The following RNF225 variants were observed in gnomAD, a reference collection of about 807,000 sequenced individuals.
RNF225 encodes the protein ring finger protein 225.
For synonymous variants in RNF225, 295 were observed against 260.4 expected (o/e 1.13, Z -1.28); for missense variants, 510 against 509.8 (o/e 1.00, Z 0.00).
Position 58,396,154 on chromosome 19 carries a change from C to G in RNF225, c.65C>G (p.Ser22Cys). ...SRAPQGSGPS[S>C]PGSLSAPRSP... ...GCCCCCCAGGGCTCGGGTCCCAGCT[C>G]CCCAGGCTCGCTCTCTGCGCCCCGC... Residue 22 changes from serine (S) to cysteine (C), a missense_variant, in exon 1 of 1, where the codon TCC becomes TGC. Physicochemically the swap from Ser to Cys is moderately radical, Grantham distance 112. Coordinates refer to ENST00000601382, the MANE Select transcript of RNF225 (RefSeq NM_001195135.2). 1.3e-6 allele frequency: 2 copies of G among 1,534,476 alleles called. No homozygotes were observed. The highest frequency in any genetic ancestry group is 1.2e-5 in the South Asian group (1 of 83,922).
Position 58,395,811 on chromosome 19 carries a change from C to T in RNF225, c.-279C>T, listed in dbSNP as rs2052393847. Among the ~76,000 whole-genome samples, 1 of 148,872 alleles carries T rather than the reference C, an allele frequency of 6.7e-6. No homozygotes were observed. Among genetic ancestry groups the T allele is most frequent in the Non-Finnish European group, 1.5e-5 (1 of 67,960 alleles). On this transcript the variant is annotated 5_prime_UTR_variant, in exon 1 of 1. Transcript: ENST00000601382. Reference sequence around the variant, plus strand: ...TTCCATCCCTGTCTGGGGTCCTCCCCATCTCCGTGTTCAACTGCGGTCTGT... The same window carrying T: ...TTCCATCCCTGTCTGGGGTCCTCCCTATCTCCGTGTTCAACTGCGGTCTGT...
In RNF225 at chr19:58,396,102, C is replaced by G; in HGVS notation, c.13C>G (p.Arg5Gly). 1 of 1,529,020 alleles carries G rather than the reference C, an allele frequency of 6.5e-7. No homozygotes were observed. The allele number at this position is 1,529,020 out of a possible 1,614,324, so 94.7% of individuals were successfully genotyped here. A position where few individuals can be genotyped will look rare whatever the true frequency, so the allele number is the denominator to read the frequency against. Residue 5 changes from arginine (R) to glycine (G), a missense_variant, in exon 1 of 1, where the codon CGG becomes GGG. By Grantham distance (125) the Arg-to-Gly change is moderately radical. Transcript: ENST00000601382. Reference protein sequence around the residue: MPCPRPFWLRHSRAP... With the variant: MPCPGPFWLRHSRAP... Reference sequence around the variant, plus strand: ...CAGGTCCATCCGGATGCCCTGCCCTCGGCCGTTCTGGCTCCGCCATTCCCG... The same window carrying G: ...CAGGTCCATCCGGATGCCCTGCCCTGGGCCGTTCTGGCTCCGCCATTCCCG...
chr19:58,396,776 C>T lies in RNF225; in HGVS notation c.687C>T (p.Ser229=). The T allele has an allele frequency of 4.6e-6, 7 of 1,515,988 alleles. No individual in the cohort carries two copies. The highest frequency in any genetic ancestry group is 5.3e-6 in the Non-Finnish European group (6 of 1,139,328). 93.9% of individuals were successfully genotyped at this position (1,515,988 alleles called of 1,614,324 possible). A position where few individuals can be genotyped will look rare whatever the true frequency, so the allele number is the denominator to read the frequency against. The change falls in exon 1 of 1, where the codon TCC becomes TCT. Residue 229 remains serine, a synonymous_variant. Transcript: ENST00000601382. ...IFFLIPHATS[S]GPPRPQLVAL... ...TCCTCATCCCGCACGCCACCTCCTC[C>T]GGCCCCCCGCGGCCCCAGCTCGTGG...
Position 58,396,171 on chromosome 19 carries a change from G to T in RNF225, c.82G>T (p.Ala28Ser), listed in dbSNP as rs763441455. The change falls in exon 1 of 1, where the codon GCG becomes TCG. Residue 28 changes from alanine (A) to serine (S), a missense_variant. Physicochemically the swap from Ala to Ser is moderately conservative, Grantham distance 99 (BLOSUM62 1). Coordinates refer to ENST00000601382, the MANE Select transcript of RNF225 (RefSeq NM_001195135.2). ...SGPSSPGSLS[A>S]PRSPSRGEDQ... is the part of the protein sequence containing the mutation. ...TCCCAGCTCCCCAGGCTCGCTCTCT[G>T]CGCCCCGCTCCCCAAGCAGAGGGGA... is the stretch of plus-strand genomic sequence containing the variant. The T allele has an allele frequency of 1.3e-6, 2 of 1,536,958 alleles. No homozygotes were observed. Among genetic ancestry groups the T allele is most frequent in the South Asian group, 2.4e-5 (2 of 84,100 alleles).
rs755739700 is a variant in RNF225, at chr19:58,396,497, C to G, written c.408C>G (p.Asp136Glu). 1 of 1,315,234 alleles carries G rather than the reference C, an allele frequency of 7.6e-7. No homozygotes were observed. The highest frequency in any genetic ancestry group is 2.1e-5 in the South Asian group (1 of 48,210). 81.5% of individuals were successfully genotyped at this position (1,315,234 alleles called of 1,614,324 possible). Residue 136 changes from aspartate (D) to glutamate (E), a missense_variant, in exon 1 of 1, where the codon GAC (aspartate) becomes GAG (glutamate). Transcript: ENST00000601382. ...CGCAGTCCGGTCTCCTGCCCCGCGA[C>G]GCGCGCGCACCGCCCTCTCGCCAGG... ...LPTQSGLLPR[D>E]ARAPPSRQGS...
rs2052395296 is a variant in RNF225 at position 58,396,016 on chromosome 19, C to G, written c.-74C>G. On this transcript the variant is annotated 5_prime_UTR_variant, in exon 1 of 1. Coordinates refer to ENST00000601382, the MANE Select transcript of RNF225 (RefSeq NM_001195135.2). ...TCCCCAGTCTTCCCTGGATTCCCTGCTGGTCTCAGAACCCGCTCCAGGCTC... is the reference window on the plus strand; with the variant it reads ...TCCCCAGTCTTCCCTGGATTCCCTGGTGGTCTCAGAACCCGCTCCAGGCTC... The G allele has an allele frequency of 1.4e-6, 2 of 1,384,592 alleles. No homozygotes were observed. The highest frequency in any genetic ancestry group is 1.5e-5 in the South Asian group (1 of 67,576). The allele number at this position is 1,384,592 out of a possible 1,614,324, so 85.8% of individuals were successfully genotyped here. A position where few individuals can be genotyped will look rare whatever the true frequency, so the allele number is the denominator to read the frequency against.
Position 58,396,109 on chromosome 19 carries a change from T to C in RNF225, c.20T>C (p.Phe7Ser). ...ATCCGGATGCCCTGCCCTCGGCCGT[T>C]CTGGCTCCGCCATTCCCGGGCCCCC... is the stretch of plus-strand genomic sequence containing the variant. The part of the protein sequence containing the change: MPCPRP[F>S]WLRHSRAPQG... The change falls in exon 1 of 1, where the codon TTC becomes TCC. Residue 7 changes from phenylalanine (F) to serine (S), a missense_variant. Transcript: ENST00000601382. The C allele has an allele frequency of 3.9e-6, 6 of 1,531,078 alleles. No homozygotes were observed. Among genetic ancestry groups the C allele is most frequent in the Non-Finnish European group, 5.2e-6 (6 of 1,145,322 alleles). The allele number at this position is 1,531,078 out of a possible 1,614,324, so 94.8% of individuals were successfully genotyped here.
In RNF225 at chr19:58,396,856, C is replaced by T; in HGVS notation, c.767C>T (p.Ser256Leu). 1 of 1,519,912 alleles carries T rather than the reference C, an allele frequency of 6.6e-7. No homozygotes were observed. The allele number at this position is 1,519,912 out of a possible 1,614,324, so 94.2% of individuals were successfully genotyped here. The part of the protein sequence containing the change: ...SWFPPRPPPG[S>L]PWAPAWTPRP... ...TTTCCGCCGAGGCCCCCGCCGGGGT[C>T]GCCCTGGGCCCCCGCCTGGACGCCG... is the stretch of plus-strand genomic sequence containing the variant. Residue 256 changes from serine (S) to leucine (L), a missense_variant, in exon 1 of 1, where the codon TCG becomes TTG. By Grantham distance (145) the Ser-to-Leu change is moderately radical (BLOSUM62 -2). Transcript: ENST00000601382.
At position 58,395,684 on chromosome 19, in the gene RNF225, G is replaced by A. The variant is rs1368885135; in HGVS notation, c.-406G>A. ...AGACAGGGACACGCCACTGGCCAGA[G>A]GGAGGAGGCTTCCACAGGTAGGAAG... On this transcript the variant is annotated 5_prime_UTR_variant, in exon 1 of 1. Coordinates refer to ENST00000601382, the MANE Select transcript of RNF225 (RefSeq NM_001195135.2). 6.7e-6 allele frequency among the ~76,000 whole-genome samples: 1 copy of A among 148,718 alleles called. No homozygotes were observed.
In RNF225 at chr19:58,396,907, C is replaced by T. The variant is rs779342647; in HGVS notation, c.818C>T (p.Thr273Met). 1.2e-5 allele frequency: 19 copies of T among 1,533,716 alleles called. No individual in the cohort carries two copies. The highest frequency in any genetic ancestry group is 1.2e-4 in the South Asian group (10 of 83,984). The change falls in exon 1 of 1, where the codon ACG becomes ATG. Residue 273 changes from threonine (T) to methionine (M), a missense_variant. Physicochemically the swap from Thr to Met is moderately conservative, Grantham distance 81. Transcript: ENST00000601382. ...TPRPTGPDLD[T>M]ALPGTAEDAL... is the part of the protein sequence containing the mutation. The stretch of plus-strand genomic sequence containing the variant: ...CGCCCCACGGGCCCTGACCTGGACA[C>T]GGCCCTGCCAGGAACTGCAGAAGAT...
rs913242163 is a variant in RNF225 at position 58,395,752 on chromosome 19, G to T, written c.-338G>T. ...GCGGTCTGTCATTACTCTGTGGGGG[G>T]TGCCTATCTCTGCTCCTCTGTGGGT... On this transcript the variant is annotated 5_prime_UTR_variant, in exon 1 of 1. Coordinates refer to ENST00000601382, the MANE Select transcript of RNF225 (RefSeq NM_001195135.2). Among the ~76,000 whole-genome samples, 1 of 152,108 alleles carries T rather than the reference G, an allele frequency of 6.6e-6. No individual in the cohort carries two copies. Among genetic ancestry groups the T allele is most frequent in the Non-Finnish European group, 1.5e-5 (1 of 67,982 alleles).
Position 58,396,282 on chromosome 19 carries a change from C to T in RNF225, c.193C>T (p.Leu65Phe), listed in dbSNP as rs1414547686. Residue 65 changes from leucine to phenylalanine, a missense_variant, in exon 1 of 1, where the codon CTC (leucine) becomes TTC (phenylalanine). Coordinates refer to ENST00000601382, the MANE Select transcript of RNF225 (RefSeq NM_001195135.2). ...GCCCCCCGCCTCCCCGGTGGAGTGCCTCATCTGCGTGTCGTCCTTCGACGG... is the reference window on the plus strand; with the variant it reads ...GCCCCCCGCCTCCCCGGTGGAGTGCTTCATCTGCGTGTCGTCCTTCGACGG... ...ILPPASPVEC[L>F]ICVSSFDGVF... is the part of the protein sequence containing the mutation. The T allele has an allele frequency of 5.2e-6, 8 of 1,536,000 alleles. No homozygotes were observed. Among genetic ancestry groups the T allele is most frequent in the Non-Finnish European group, 6.1e-6 (7 of 1,146,976 alleles).
Position 58,396,031 on chromosome 19 carries a change from G to GCTCCAGGCTCCACCGCCTCCTTCC in RNF225, c.-56_-33dup. On this transcript the variant is annotated 5_prime_UTR_variant, in exon 1 of 1. Coordinates refer to ENST00000601382, the MANE Select transcript of RNF225 (RefSeq NM_001195135.2). ...GGATTCCCTGCTGGTCTCAGAACCC[G>GCTCCAGGCTCCACCGCCTCCTTCC]CTCCAGGCTCCACCGCCTCCTTCCC... The GCTCCAGGCTCCACCGCCTCCTTCC allele has an allele frequency of 1.4e-6, 2 of 1,446,832 alleles. No homozygotes were observed. Among genetic ancestry groups the GCTCCAGGCTCCACCGCCTCCTTCC allele is most frequent in the Non-Finnish European group, 1.8e-6 (2 of 1,102,756 alleles). 89.6% of individuals were successfully genotyped at this position (1,446,832 alleles called of 1,614,324 possible).
chr19:58,396,651 C>T lies in RNF225; in HGVS notation c.562C>T (p.Arg188Cys). 2.1e-6 allele frequency: 3 copies of T among 1,427,634 alleles called. No homozygotes were observed. The highest frequency in any genetic ancestry group is 3.1e-5 in the East Asian group (1 of 32,414). The allele number at this position is 1,427,634 out of a possible 1,614,324, so 88.4% of individuals were successfully genotyped here. The change falls in exon 1 of 1, where the codon CGC becomes TGC. Residue 188 changes from arginine to cysteine, a missense_variant. Arg to Cys is a radical substitution (Grantham distance 180). Coordinates refer to ENST00000601382, the MANE Select transcript of RNF225 (RefSeq NM_001195135.2). ...PLRLGRPLSR[R>C]LSLASPAWVF... ...GCGCCTGGGCCGCCCGCTGTCGCGC[C>T]GCTTGTCGCTGGCCAGCCCGGCCTG...
Position 58,396,367 on chromosome 19 carries a change from C to T in RNF225, c.278C>T (p.Ala93Val), listed in dbSNP as rs765137615. ...CGHVFCLECLARLSLATAGGG... is the reference protein window; with the variant it reads ...CGHVFCLECLVRLSLATAGGG... ...CACGTCTTCTGTCTCGAGTGCCTGG[C>T]GCGCCTATCGTTGGCCACGGCGGGC... Residue 93 changes from alanine (A) to valine (V), a missense_variant, in exon 1 of 1, where the codon GCG becomes GTG. Ala to Val is a moderately conservative substitution (Grantham distance 64). Coordinates refer to ENST00000601382, the MANE Select transcript of RNF225 (RefSeq NM_001195135.2). 7 of 1,535,084 alleles carry T rather than the reference C, an allele frequency of 4.6e-6. No homozygotes were observed. In the African/African-American group the frequency reaches 6.8e-5, roughly 15 times the overall value.
rs1429777074 is a variant in RNF225 at position 58,396,118 on chromosome 19, G to A, written c.29G>A (p.Arg10His). The A allele has an allele frequency of 6.5e-7, 1 of 1,531,960 alleles. No individual in the cohort carries two copies. The highest frequency in any genetic ancestry group is 8.7e-7 in the Non-Finnish European group (1 of 1,145,702). 94.9% of individuals were successfully genotyped at this position (1,531,960 alleles called of 1,614,324 possible). Reference protein sequence around the residue: MPCPRPFWLRHSRAPQGSGP... With the variant: MPCPRPFWLHHSRAPQGSGP... Reference sequence around the variant, plus strand: ...CCCTGCCCTCGGCCGTTCTGGCTCCGCCATTCCCGGGCCCCCCAGGGCTCG... The same window carrying A: ...CCCTGCCCTCGGCCGTTCTGGCTCCACCATTCCCGGGCCCCCCAGGGCTCG... The change falls in exon 1 of 1, where the codon CGC becomes CAC. Residue 10 changes from arginine (R) to histidine (H), a missense_variant. Arg to His is a conservative substitution (Grantham distance 29). Transcript: ENST00000601382.
At position 58,396,123 on chromosome 19, in the gene RNF225, T is replaced by A; in HGVS notation, c.34T>A (p.Ser12Thr). 2.6e-6 allele frequency: 4 copies of A among 1,532,526 alleles called. No homozygotes were observed. The East Asian group carries it at 9.8e-5, about 38-fold the overall frequency. 94.9% of individuals were successfully genotyped at this position (1,532,526 alleles called of 1,614,324 possible). ...CCCTCGGCCGTTCTGGCTCCGCCAT[T>A]CCCGGGCCCCCCAGGGCTCGGGTCC... ...PCPRPFWLRH[S>T]RAPQGSGPSS... Residue 12 changes from serine to threonine, a missense_variant, in exon 1 of 1, where the codon TCC becomes ACC. Coordinates refer to ENST00000601382, the MANE Select transcript of RNF225 (RefSeq NM_001195135.2).
chr19:58,396,066 T>C lies in RNF225; in HGVS notation c.-24T>C. On this transcript the variant is annotated 5_prime_UTR_variant, in exon 1 of 1. Transcript: ENST00000601382. Reference sequence around the variant, plus strand: ...CCACCGCCTCCTTCCCTGCCTGACCTCCTCTCCTCCCAGGTCCATCCGGAT... The same window carrying C: ...CCACCGCCTCCTTCCCTGCCTGACCCCCTCTCCTCCCAGGTCCATCCGGAT... 1.4e-6 allele frequency: 2 copies of C among 1,478,888 alleles called. No individual in the cohort carries two copies. Among genetic ancestry groups the C allele is most frequent in the Non-Finnish European group, 1.8e-6 (2 of 1,122,274 alleles). The allele number at this position is 1,478,888 out of a possible 1,614,324, so 91.6% of individuals were successfully genotyped here.
In RNF225 at chr19:58,397,061, G is replaced by C. The variant is rs531625517; in HGVS notation, c.972G>C (p.Arg324Ser). ...GWAPWPRGAR[R>S]LWGSQ ...CCCCGTGGCCACGGGGCGCGAGGAG[G>C]CTGTGGGGCTCACAATAAGTGCGCC... Residue 324 changes from arginine (R) to serine (S), a missense_variant, in exon 1 of 1, where the codon AGG becomes AGC. Physicochemically the swap from Arg to Ser is moderately radical, Grantham distance 110. Coordinates refer to ENST00000601382, the MANE Select transcript of RNF225 (RefSeq NM_001195135.2). 2.5e-5 allele frequency: 38 copies of C among 1,522,244 alleles called. No individual in the cohort carries two copies. The highest frequency in any genetic ancestry group is 3.2e-5 in the Non-Finnish European group (37 of 1,141,870). 94.3% of individuals were successfully genotyped at this position (1,522,244 alleles called of 1,614,324 possible).
Sources: allele counts gnomAD v4.1 joint callset (sites outside exome capture counted in the v4.1 genomes callset), GRCh38; gene constraint gnomAD v4.1.1; transcripts MANE v1.5; gene names NCBI Gene and HGNC (gene_info 2026-07-23, HGNC 2026-07-21).